SLC4A4: variants seen among roughly 807,000 people sequenced by gnomAD.
The protein encoded by SLC4A4 is electrogenic sodium bicarbonate cotransporter 1.
Under a neutral mutation model 111.5 loss-of-function variants are expected in SLC4A4, and 27 were observed. The observed-to-expected ratio is 0.24, with a 90% CI of 0.18 to 0.33. The LOEUF is 0.33. Among genes scored for constraint, SLC4A4 ranks in the 10% least tolerant of loss-of-function variants. SLC4A4 has a pLI of 1.00. For synonymous variants in SLC4A4, 443 were observed against 463.4 expected (o/e 0.96, Z 0.57); for missense variants, 909 against 1,315.5 (o/e 0.69, Z 4.78).
intron 13 of SLC4A4, among the ~76,000 whole-genome samples, chr4:71,469,226 A>C (rs908490850): frequency 6.6e-6 from 1 of 151,970 alleles, no homozygotes. Flanking sequence ...AATGTGTTCT[A>C]AGGTATATAA....
At chr4:71,258,890 G>A (rs559760209) in intron 3 of SLC4A4, among the ~76,000 whole-genome samples, 8 of 152,254 alleles carry the variant, frequency 5.3e-5, no homozygotes, top group African/African-American at 1.7e-4. Flanking sequence ...AAACTGAACC[G>A]CAAGGCACAT....
chr4:71,266,755 G>A (rs1722294088), intron 3 of SLC4A4, among the ~76,000 whole-genome samples: 1 of 152,152 alleles, frequency 6.6e-6, no homozygotes, highest in African/African-American at 2.4e-5. Flanking sequence ...CACTGTAACA[G>A]GATGAGGAAA....
At chr4:71,153,669 G>T (rs1744377304) in intron 2 of SLC4A4, among the ~76,000 whole-genome samples, 1 of 151,920 alleles carries the variant, frequency 6.6e-6, no homozygotes, top group Non-Finnish European at 1.5e-5. Context: ...AATATGTCTT[G>T]GTTTTTTTTC....
intron 1 of SLC4A4, among the ~76,000 whole-genome samples, chr4:71,087,256 C>T (rs1258446273): frequency 6.6e-6 from 1 of 151,298 alleles, no homozygotes; most frequent in East Asian, 1.9e-4. Flanking sequence ...GTGATATCCC[C>T]TTTATCATTT....
Position 71,435,998 on chromosome 4 carries a change from G to A in SLC4A4, c.808-4618G>A, listed in dbSNP as rs111312095. 9.6e-3 allele frequency among the ~76,000 whole-genome samples: 1,469 copies of A among 152,264 alleles called. 27 individuals carry two copies. Among genetic ancestry groups the A allele is most frequent in the African/African-American group, 0.034 (1,415 of 41,532 alleles). On this transcript the variant is annotated intron_variant, in intron 7 of 25. Transcript: ENST00000264485. ...GTTCAACCATTGTGGAAGATAGTGT[G>A]GTGATCCCTCAAGGATCTTGAACTA...
At chr4:71,532,467 A>G (rs564062245) in intron 17 of SLC4A4, among the ~76,000 whole-genome samples, 1 of 152,252 alleles carries the variant, frequency 6.6e-6, no homozygotes, top group Admixed American at 6.5e-5. Flanking sequence ...CTTGATCTAT[A>G]TAATGACTCT....
intron 2 of SLC4A4, among the ~76,000 whole-genome samples, chr4:71,128,081 A>G (rs1394231475): frequency 1.3e-5 from 2 of 152,182 alleles, no homozygotes; most frequent in African/African-American, 4.8e-5. Flanking sequence ...GCAAGACTGT[A>G]TTAATCTGTT....
intron 1 of SLC4A4, among the ~76,000 whole-genome samples, chr4:71,068,625 G>A (rs1373940123): frequency 1.3e-5 from 2 of 150,812 alleles, no homozygotes; most frequent in East Asian, 2.0e-4. Context: ...CGGGATCACC[G>A]CTCACTGCAA....
chr4:71,116,229 C>A (rs1743244429), intron 2 of SLC4A4, among the ~76,000 whole-genome samples: 2 of 152,132 alleles, frequency 1.3e-5, no homozygotes, highest in African/African-American at 4.8e-5. Context: ...ACCAAACAAT[C>A]CCAGTATTTG....
chr4:71,348,054 T>C (rs1729485755), intron 4 of SLC4A4, among the ~76,000 whole-genome samples: 1 of 152,212 alleles, frequency 6.6e-6, no homozygotes, highest in Non-Finnish European at 1.5e-5. Context: ...ATATGATTCA[T>C]ATGCCTATTA....
intron 2 of SLC4A4, among the ~76,000 whole-genome samples, chr4:71,139,124 C>G (rs1250545168): frequency 6.7e-6 from 1 of 149,416 alleles, no homozygotes; most frequent in Non-Finnish European, 1.5e-5. Context: ...AGGGATCATT[C>G]GGTTGGAAGG....
intron 1 of SLC4A4, among the ~76,000 whole-genome samples, chr4:71,220,782 A>C (rs1486073288): frequency 1.3e-5 from 2 of 152,054 alleles, no homozygotes; most frequent in Non-Finnish European, 2.9e-5. Context: ...AACGCATGTC[A>C]TGGGAGTTTG....
At chr4:71,152,901 T>C (rs759963944) in intron 2 of SLC4A4, among the ~76,000 whole-genome samples, 9 of 151,188 alleles carry the variant, frequency 6.0e-5, no homozygotes, top group African/African-American at 1.2e-4. Context: ...CAGGAAAGTG[T>C]CATTTTGGAT....
At chr4:71,094,714 T>C (rs771094800) in intron 2 of SLC4A4, among the ~76,000 whole-genome samples, 51 of 152,212 alleles carry the variant, frequency 3.4e-4, no homozygotes, top group Admixed American at 5.2e-4. Flanking sequence ...AAATATACCA[T>C]TTCACACTTT....
chr4:71,391,395 T>C (rs1276120728), intron 6 of SLC4A4, among the ~76,000 whole-genome samples: 1 of 152,136 alleles, frequency 6.6e-6, no homozygotes, highest in African/African-American at 2.4e-5. Flanking sequence ...CATTAATATG[T>C]ACACATTCAA....
At chr4:71,236,167 A>G (rs1285947635) in intron 1 of SLC4A4, 14 of 1,059,758 alleles carry the variant, frequency 1.3e-5, no homozygotes, top group Middle Eastern at 4.6e-4. Context: ...AGAGCTAAGC[A>G]CTGAAGCTGG....
chr4:71,384,329 A>C (rs1718453482), intron 6 of SLC4A4, among the ~76,000 whole-genome samples: 1 of 152,184 alleles, frequency 6.6e-6, no homozygotes, highest in Non-Finnish European at 1.5e-5. Context: ...CTTCAGGGTC[A>C]CTTGGGTGAA....
chr4:71,283,514 C>A (rs1319142964), intron 3 of SLC4A4, among the ~76,000 whole-genome samples: 1 of 152,066 alleles, frequency 6.6e-6, no homozygotes, highest in Non-Finnish European at 1.5e-5. Context: ...GAAGGCCACT[C>A]TTCTCTAATA....
chr4:71,309,932 T>C (rs1180989548), intron 3 of SLC4A4, among the ~76,000 whole-genome samples: 4 of 151,900 alleles, frequency 2.6e-5, no homozygotes, highest in African/African-American at 9.7e-5. Context: ...TCTAAGAACC[T>C]TGACAAAAGG....
Sources: allele counts gnomAD v4.1 joint callset (sites outside exome capture counted in the v4.1 genomes callset), GRCh38; gene constraint gnomAD v4.1.1; transcripts MANE v1.5; gene names NCBI Gene and HGNC (gene_info 2026-07-23, HGNC 2026-07-21).